COL27A1: variants seen among roughly 807,000 people sequenced by gnomAD.
COL27A1 encodes collagen type XXVII alpha 1 chain.
Under a neutral mutation model 251.3 loss-of-function variants are expected in COL27A1, and 106 were observed. That is an observed-to-expected ratio of 0.42 (90% CI 0.36 to 0.50). The LOEUF is 0.50. Ranked by LOEUF, COL27A1 falls within the 20% of genes least tolerant of loss-of-function variation. COL27A1 has a pLI of 0.00. For synonymous variants in COL27A1, 1,000 were observed against 986.3 expected, an observed-to-expected ratio of 1.01 and a Z score of -0.26; for missense variants, 2,325 against 2,522.8, an observed-to-expected ratio of 0.92 and a Z score of 1.68.
chr9:114,287,216 C>G (rs1004925685), intron 41 of COL27A1, among the ~76,000 whole-genome samples: 1 of 152,156 alleles, frequency 6.6e-6, no homozygotes, highest in African/African-American at 2.4e-5. Flanking sequence ...TGCCTCCCAC[C>G]AGGGATGTGT....
intron 23 of COL27A1, among the ~76,000 whole-genome samples, chr9:114,245,087 G>A (rs1049574863): frequency 1.3e-5 from 2 of 151,380 alleles, no homozygotes; most frequent in East Asian, 1.9e-4. Context: ...GTGCCCTGAC[G>A]TCCCATTTCC....
intron 2 of COL27A1, among the ~76,000 whole-genome samples, chr9:114,167,306 CAT>C (rs1289380100): frequency 6.6e-6 from 1 of 152,186 alleles, no homozygotes; most frequent in Non-Finnish European, 1.5e-5. Flanking sequence ...TAAATGTATT[CAT>C]CATGTAATTG....
Position 114,290,122 on chromosome 9 carries a change from A to G in COL27A1, c.4260+11A>G, listed in dbSNP as rs771502769. ...CGGAGGGGGGTCCAGGTGAGTGACT[A>G]CAGCTGCTGTTTCCAGCCAACCTCC... On this transcript the variant is annotated intron_variant, in intron 46 of 60. Coordinates refer to ENST00000356083, the MANE Select transcript of COL27A1 (RefSeq NM_032888.4). This position sits in a 1 kb window ranked among gnomAD's most constrained non-coding sequence, Gnocchi z 4.6. 1 of 1,611,394 alleles carries G rather than the reference A, an allele frequency of 6.2e-7. No individual in the cohort carries two copies. The highest frequency in any genetic ancestry group is 8.5e-7 in the Non-Finnish European group (1 of 1,179,624).
intron 55 of COL27A1, 131 bp from the exon 56 acceptor site, chr9:114,301,951 A>G: frequency 9.7e-7 from 1 of 1,032,008 alleles, no homozygotes; most frequent in Non-Finnish European, 1.5e-6. Flanking sequence ...GGGCCCACCA[A>G]GCCTCCGGGA....
chr9:114,252,051 C>T (rs1427820219), intron 25 of COL27A1, among the ~76,000 whole-genome samples: 5 of 152,342 alleles, frequency 3.3e-5, no homozygotes, highest in East Asian at 1.9e-4. Flanking sequence ...AGCCAAGATT[C>T]GAACCCAGAG....
chr9:114,266,436 TG>T, intron 32 of COL27A1, 128 bp from the exon 33 acceptor site: 1 of 668,592 alleles, frequency 1.5e-6, no homozygotes. Context: ...TCGGTGTGGC[TG>T]GGGCGGACTA....
Position 114,301,712 on chromosome 9 carries a change from C to CT in COL27A1, c.4840_4841insT (p.Pro1614LeufsTer15). On this transcript the variant is annotated frameshift_variant, in exon 55 of 61. Coordinates refer to ENST00000356083, the MANE Select transcript of COL27A1 (RefSeq NM_032888.4). LOFTEE classifies it high-confidence loss of function. ...TCCCGGCCCCAGAGGGCGGCCCGGC[C>CT]CCCCGGTAGGTAACTGAGTGCTGGG... is the stretch of plus-strand genomic sequence containing the variant. The CT allele has an allele frequency of 6.2e-7, 1 of 1,612,204 alleles. No homozygotes were observed. Among genetic ancestry groups the CT allele is most frequent in the Non-Finnish European group, 8.5e-7 (1 of 1,179,228 alleles).
chr9:114,256,659 G>A (rs916671865), intron 27 of COL27A1, among the ~76,000 whole-genome samples: 4 of 152,090 alleles, frequency 2.6e-5, no homozygotes, highest in African/African-American at 9.7e-5. Context: ...ACCTTTTCCT[G>A]AGGACTTTGT....
intron 4 of COL27A1, among the ~76,000 whole-genome samples, chr9:114,180,865 C>T (rs1018973442): frequency 1.3e-5 from 2 of 152,174 alleles, no homozygotes; most frequent in Non-Finnish European, 2.9e-5. Flanking sequence ...AAGCCCCCAC[C>T]TTCAGAAGCT....
chr9:114,176,133 C>T (rs886208917), intron 3 of COL27A1, among the ~76,000 whole-genome samples: 1 of 152,208 alleles, frequency 6.6e-6, no homozygotes, highest in Non-Finnish European at 1.5e-5. Context: ...GGGCAAGTCA[C>T]TTTTCCTCTC....
chr9:114,298,339 C>A (rs2131650628), intron 49 of COL27A1, among the ~76,000 whole-genome samples: 1 of 152,282 alleles, frequency 6.6e-6, no homozygotes, highest in African/African-American at 2.4e-5. Flanking sequence ...TTAACGAAAT[C>A]TGACAAATTG....
intron 44 of COL27A1, 98 bp from the exon 45 acceptor site, chr9:114,289,144 A>AAAACCC: frequency 3.4e-5 from 33 of 959,054 alleles, no homozygotes; most frequent in Middle Eastern, 3.3e-4. Flanking sequence ...CTGCACCCCC[A>AAAACCC]AACCCCTCCC....
chr9:114,181,660 CTATT>C (rs909292458), intron 4 of COL27A1, among the ~76,000 whole-genome samples: 2 of 152,154 alleles, frequency 1.3e-5, no homozygotes, highest in Non-Finnish European at 2.9e-5. Flanking sequence ...TCTTAGGGCT[CTATT>C]TATATTACTG....
At chr9:114,267,110 C>T (rs1017216979) in intron 33 of COL27A1, among the ~76,000 whole-genome samples, 3 of 152,232 alleles carry the variant, frequency 2.0e-5, no homozygotes, top group African/African-American at 2.4e-5. Flanking sequence ...GCTTCCCACC[C>T]GCCTCACGCT....
intron 24 of COL27A1, among the ~76,000 whole-genome samples, chr9:114,248,413 A>G (rs1490171308): frequency 6.6e-6 from 1 of 152,256 alleles, no homozygotes; most frequent in East Asian, 1.9e-4. Flanking sequence ...CCGGTAGCAG[A>G]CAATGGCCCT....
At chr9:114,239,311 G>T (rs76340413) in intron 19 of COL27A1, among the ~76,000 whole-genome samples, 4,709 of 152,334 alleles carry the variant, frequency 0.031, 97 homozygotes, top group South Asian at 0.074. Flanking sequence ...CAGAGTACAG[G>T]ACCCAAAATC....
rs761692511 is a variant in COL27A1, at chr9:114,301,450, G to T, written c.4797G>T (p.Leu1599Phe). The change falls in exon 54 of 61, where the codon TTG becomes TTT. Residue 1599 changes from leucine (L) to phenylalanine (F), a missense_variant. Physicochemically the swap from Leu to Phe is conservative, Grantham distance 22 (BLOSUM62 0). This residue lies in a region of COL27A1 where 327 missense variants were observed against 442.8 expected (regional missense o/e 0.74). Coordinates refer to ENST00000356083, the MANE Select transcript of COL27A1 (RefSeq NM_032888.4). ...GDKGSRGDWGLQGPRGPPGPR... is the reference protein window; with the variant it reads ...GDKGSRGDWGFQGPRGPPGPR... Reference sequence around the variant, plus strand: ...CTGCTTCTGTCTCCCTCCAGGGATTGCAAGGTCCGAGGGTGAGTGGGCTGG... The same window carrying T: ...CTGCTTCTGTCTCCCTCCAGGGATTTCAAGGTCCGAGGGTGAGTGGGCTGG... 21 of 1,606,790 alleles carry T rather than the reference G, an allele frequency of 1.3e-5. No homozygotes were observed. The highest frequency in any genetic ancestry group is 1.8e-5 in the Non-Finnish European group (21 of 1,178,120).
At chr9:114,209,772 G>T in intron 11 of COL27A1, 44 bp downstream of exon 11, 1 of 1,589,416 alleles carries the variant, frequency 6.3e-7, no homozygotes, top group African/African-American at 1.3e-5. Flanking sequence ...AGCCACCCCT[G>T]CCCAAACAGA....
At chr9:114,196,160 G>A (rs1370038840) in intron 7 of COL27A1, 148 bp downstream of exon 7, 2 of 730,786 alleles carry the variant, frequency 2.7e-6, no homozygotes, top group Non-Finnish European at 4.8e-6. Flanking sequence ...AGGTGAGAGA[G>A]CTTTCCAAGG....
Sources: allele counts gnomAD v4.1 joint callset (sites outside exome capture counted in the v4.1 genomes callset), GRCh38; gene constraint gnomAD v4.1.1; regional missense constraint gnomAD v4.1.1; non-coding constraint Gnocchi (gnomAD v3.1); transcripts MANE v1.5; gene names NCBI Gene and HGNC (gene_info 2026-07-23, HGNC 2026-07-21).